The following PGBD5 variants were observed in gnomAD, a reference collection of about 807,000 sequenced individuals.
PGBD5 encodes piggyBac transposable element derived 5.
In PGBD5, 14 loss-of-function variants were observed where a neutral mutation model predicts 47.9. That is an observed-to-expected ratio of 0.29 (90% CI 0.19 to 0.46). The LOEUF (loss-of-function observed/expected upper bound fraction) is 0.46, where lower values mean the gene tolerates loss of function less well. Among genes scored for constraint, PGBD5 ranks in the 20% least tolerant of loss-of-function variants. The probability of loss-of-function intolerance (pLI) is 1.00; values close to 1 mark genes in which losing one functional copy is unlikely to be tolerated. For synonymous variants in PGBD5, 316 were observed against 306.3 expected, an observed-to-expected ratio of 1.03 and a Z score of -0.33; for missense variants, 635 against 716.0, an observed-to-expected ratio of 0.89 and a Z score of 1.29.
At chr1:230,362,545 G>A in intron 1 of PGBD5, among the ~76,000 whole-genome samples, 1 of 152,148 alleles carries the variant, frequency 6.6e-6, no homozygotes, top group East Asian at 1.9e-4. Context: ...CCCCAGGCCA[G>A]CTTCTTCATC....
chr1:230,355,534 G>A (rs1228326624), intron 2 of PGBD5, among the ~76,000 whole-genome samples: 2 of 152,190 alleles, frequency 1.3e-5, no homozygotes, highest in Non-Finnish European at 2.9e-5. Flanking sequence ...TTTAGTGAAA[G>A]AAAAGACAAT....
chr1:230,389,670 G>A (rs1293470826), intron 1 of PGBD5, among the ~76,000 whole-genome samples: 1 of 152,168 alleles, frequency 6.6e-6, no homozygotes, highest in African/African-American at 2.4e-5. Context: ...TGAGAGAGCT[G>A]TGGAAATGTT....
intron 1 of PGBD5, chr1:230,362,513 C>T: frequency 8.6e-7 from 1 of 1,161,344 alleles, no homozygotes; most frequent in Non-Finnish European, 1.1e-6. Flanking sequence ...TGAAGCATCA[C>T]CTTCTGGGGG....
chr1:230,399,118 A>G (rs574045379), intron 1 of PGBD5, among the ~76,000 whole-genome samples: 2 of 152,206 alleles, frequency 1.3e-5, no homozygotes, highest in East Asian at 3.9e-4. Flanking sequence ...CCGAGACAGG[A>G]GCCTGAGTTG....
chr1:230,341,079 G>GCAC (rs1459465544), intron 3 of PGBD5, among the ~76,000 whole-genome samples: 1 of 152,114 alleles, frequency 6.6e-6, no homozygotes, highest in African/African-American at 2.4e-5. Context: ...CCAAGAAGTG[G>GCAC]CACCAATGAG....
In PGBD5 at chr1:230,357,251, G is replaced by A. The variant is rs556364747; in HGVS notation, c.402C>T (p.Val134=). The change falls in exon 2 of 7, where the codon GTC becomes GTT. Residue 134 remains valine (V), a synonymous_variant. Coordinates refer to ENST00000391860, the MANE Select transcript of PGBD5 (RefSeq NM_001258311.2). The surrounding 1 kb of genome is among the most constrained non-coding windows in gnomAD (Gnocchi z 5.7). ...DFFQLFVPDN[V]LKNMVVQTNM... Reference sequence around the variant, plus strand: ...TTGTCTGCACCACCATGTTCTTGAGGACGTTGTCTGGGACAAAGAGCTGGA... The same window carrying A: ...TTGTCTGCACCACCATGTTCTTGAGAACGTTGTCTGGGACAAAGAGCTGGA... 11 of 1,614,156 alleles carry A rather than the reference G, an allele frequency of 6.8e-6. No individual in the cohort carries two copies. In the African/African-American group the frequency reaches 1.1e-4, roughly 16 times the overall value.
chr1:230,363,046 T>G (rs1209537442), intron 1 of PGBD5, among the ~76,000 whole-genome samples: 4 of 152,160 alleles, frequency 2.6e-5, no homozygotes, highest in Non-Finnish European at 5.9e-5. Context: ...AGAGATGGCC[T>G]GAGAATTCAG....
intron 1 of PGBD5, among the ~76,000 whole-genome samples, chr1:230,358,226 A>G (rs1667688787): frequency 6.6e-6 from 1 of 152,114 alleles, no homozygotes; most frequent in Non-Finnish European, 1.5e-5. Context: ...TGGGGGGTAG[A>G]ATGCAAATTC....
Position 230,357,235 on chromosome 1 carries a change from C to A in PGBD5, c.418G>T (p.Val140Leu), listed in dbSNP as rs756388322. Residue 140 changes from valine to leucine, a missense_variant, in exon 2 of 7, where the codon GTG (valine) becomes TTG (leucine). Val to Leu is a conservative substitution (Grantham distance 32, BLOSUM62 1). Coordinates refer to ENST00000391860, the MANE Select transcript of PGBD5 (RefSeq NM_001258311.2). This position sits in a 1 kb window ranked among gnomAD's most constrained non-coding sequence, Gnocchi z 5.7. ...VPDNVLKNMV[V>L]QTNMYAKKFQ... ...TTCTTGGCATACATGTTTGTCTGCA[C>A]CACCATGTTCTTGAGGACGTTGTCT... 6.2e-7 allele frequency: 1 copy of A among 1,614,128 alleles called. No homozygotes were observed. The highest frequency in any genetic ancestry group is 1.3e-5 in the African/African-American group (1 of 75,030).
At position 230,355,338 on chromosome 1, in the gene PGBD5, G is replaced by T. The variant is rs141887072; in HGVS notation, c.759+1556C>A. ...GTAGGCGCTGCAGTGTGCCAGAGAG[G>T]CCAGGCACTCACCCTGGACTTACAC... is the stretch of plus-strand genomic sequence containing the variant. On this transcript the variant is annotated intron_variant, in intron 2 of 6. Transcript: ENST00000391860. 2.4e-3 allele frequency among the ~76,000 whole-genome samples: 373 copies of T among 152,332 alleles called. 1 individual carries two copies. The highest frequency in any genetic ancestry group is 8.5e-3 in the African/African-American group (354 of 41,576).
At chr1:230,368,963 T>C (rs912759253) in intron 1 of PGBD5, among the ~76,000 whole-genome samples, 5 of 152,256 alleles carry the variant, frequency 3.3e-5, no homozygotes, top group Admixed American at 6.5e-5. Flanking sequence ...CGTGCTACCA[T>C]TTTTGTAACC....
intron 3 of PGBD5, among the ~76,000 whole-genome samples, chr1:230,344,185 T>TGAGGCAGGAGAATGGTGTG (rs370164895): frequency 0.01 from 1,595 of 151,956 alleles, 32 homozygotes; most frequent in African/African-American, 0.037. Context: ...CTCGGGAGGC[T>TGAGGCAGGAGAATGGTGTG]GAGGCAGGAG....
At chr1:230,381,451 G>A (rs908723506) in intron 1 of PGBD5, among the ~76,000 whole-genome samples, 2 of 152,200 alleles carry the variant, frequency 1.3e-5, no homozygotes, top group East Asian at 1.9e-4. Flanking sequence ...TCTTGGCCAG[G>A]GGCCGCCACT....
At chr1:230,371,555 C>G (rs777408596) in intron 1 of PGBD5, among the ~76,000 whole-genome samples, 2 of 152,200 alleles carry the variant, frequency 1.3e-5, no homozygotes, top group Non-Finnish European at 2.9e-5. Context: ...AACCCAGAGG[C>G]AGTTGTTTTG....
intron 1 of PGBD5, among the ~76,000 whole-genome samples, chr1:230,384,027 C>G (rs1463629835): frequency 1.6e-5 from 2 of 126,514 alleles, no homozygotes; most frequent in Non-Finnish European, 3.3e-5. Flanking sequence ...TCCCGTCCGT[C>G]CAAGCACAGT....
chr1:230,380,001 T>C (rs1289487463), intron 1 of PGBD5, among the ~76,000 whole-genome samples: 1 of 152,238 alleles, frequency 6.6e-6, no homozygotes, highest in East Asian at 1.9e-4. Flanking sequence ...TTGTAATTAC[T>C]GATTTCATGT....
At chr1:230,375,991 A>G (rs573024562) in intron 1 of PGBD5, among the ~76,000 whole-genome samples, 5 of 151,756 alleles carry the variant, frequency 3.3e-5, no homozygotes, top group East Asian at 3.9e-4. Context: ...GAGTGAGCGC[A>G]TATCAGCACG....
intron 1 of PGBD5, among the ~76,000 whole-genome samples, chr1:230,417,997 T>A: frequency 6.6e-6 from 1 of 152,210 alleles, no homozygotes; most frequent in East Asian, 1.9e-4. Context: ...TCTGGAGACA[T>A]GTCTGTTTGC....
rs1450590912 is a variant in PGBD5, at chr1:230,318,965, C to G, written c.*4460G>C. The G allele has an allele frequency of 2.0e-5, 3 of 152,238 alleles. No individual in the cohort carries two copies. Among genetic ancestry groups the G allele is most frequent in the Non-Finnish European group, 4.4e-5 (3 of 68,064 alleles). The allele number at this position is 152,238 out of a possible 1,614,324, so 9.4% of individuals were successfully genotyped here. ...CCAGGGGGAGGGTGATGTCCCGGAT[C>G]TCATAATGATTGTTTTCAGTATTCG... On this transcript the variant is annotated 3_prime_UTR_variant, in exon 7 of 7. Transcript: ENST00000391860.
Sources: allele counts gnomAD v4.1 joint callset (sites outside exome capture counted in the v4.1 genomes callset), GRCh38; gene constraint gnomAD v4.1.1; non-coding constraint Gnocchi (gnomAD v3.1); transcripts MANE v1.5; gene names NCBI Gene and HGNC (gene_info 2026-07-23, HGNC 2026-07-21).